SPTBN1: variants seen among roughly 807,000 people sequenced by gnomAD.
SPTBN1 encodes spectrin beta chain, non-erythrocytic 1.
SPTBN1 carries 32 observed loss-of-function variants against 266.4 expected under a neutral mutation model. That is an observed-to-expected ratio of 0.12 (90% CI 0.09 to 0.16). The LOEUF is 0.16. Among genes scored for constraint, SPTBN1 ranks in the 10% least tolerant of loss-of-function variants. The pLI, the probability that SPTBN1 is intolerant of heterozygous loss-of-function variation, is 1.00. For missense variants in SPTBN1, 2,296 were observed against 3,067.1 expected (o/e 0.75, Z 5.94); for synonymous variants, 1,336 against 1,162.2 (o/e 1.15, Z -3.04).
At position 54,646,774 on chromosome 2, in the gene SPTBN1, T is replaced by C. The variant is rs1382944599; in HGVS notation, c.4866+299T>C. On this transcript the variant is annotated intron_variant, in intron 23 of 35. Coordinates refer to ENST00000356805, the MANE Select transcript of SPTBN1 (RefSeq NM_003128.3). This position sits in a 1 kb window ranked among gnomAD's most constrained non-coding sequence, Gnocchi z 4.4. ...TCCCTAAACTTTACAAAATACAGGA[T>C]GGCTTGGAGACAATTTGAAAGTATT... 6.6e-6 allele frequency among the ~76,000 whole-genome samples: 1 copy of C among 152,218 alleles called. No individual in the cohort carries two copies. The highest frequency in any genetic ancestry group is 2.4e-5 in the African/African-American group (1 of 41,458).
rs527935426 is a variant in SPTBN1, at chr2:54,629,367, C to T, written c.2233C>T (p.Leu745=). Residue 745 remains leucine, a synonymous_variant, in exon 14 of 36, where the codon CTG becomes TTG. Coordinates refer to ENST00000356805, the MANE Select transcript of SPTBN1 (RefSeq NM_003128.3). ...GAAGAAGCGCCTGGAGGAGGCCTCC[C>T]TGCTGCACCAGTTCCAGGCAGATGC... ...IRKKRLEEAS[L]LHQFQADADD... is the part of the protein sequence containing the mutation. 11 of 1,614,122 alleles carry T rather than the reference C, an allele frequency of 6.8e-6. No homozygotes were observed. In the South Asian group the frequency reaches 1.1e-4, roughly 16 times the overall value.
At chr2:54,618,471 G>A (rs1311329165) in intron 7 of SPTBN1, among the ~76,000 whole-genome samples, 3 of 152,228 alleles carry the variant, frequency 2.0e-5, no homozygotes, top group Non-Finnish European at 4.4e-5. Context: ...AGGTATGCTT[G>A]AGGGCTAACA....
At chr2:54,632,488 T>C (rs1460046616) in intron 16 of SPTBN1, 78 bp from the exon 17 acceptor site, 1 of 1,388,684 alleles carries the variant, frequency 7.2e-7, no homozygotes, top group Non-Finnish European at 1.0e-6. Flanking sequence ...TTGTGAACTA[T>C]GTTGCACGGA....
rs762112899 is a variant in SPTBN1, at chr2:54,629,589, G to C, written c.2455G>C (p.Asp819His). 1 of 1,614,080 alleles carries C rather than the reference G, an allele frequency of 6.2e-7. No homozygotes were observed. The highest frequency in any genetic ancestry group is 1.1e-5 in the South Asian group (1 of 91,088). ...ALPQEHAESPDVRGRLSGIEE... is the reference protein window; with the variant it reads ...ALPQEHAESPHVRGRLSGIEE... ...CCCCCAGGAGCATGCCGAGTCTCCA[G>C]ACGTGAGGGGCAGGCTGTCGGGCAT... is the stretch of plus-strand genomic sequence containing the variant. Residue 819 changes from aspartate (D) to histidine (H), a missense_variant, in exon 14 of 36, where the codon GAC becomes CAC. By Grantham distance (81) the Asp-to-His change is moderately conservative. Coordinates refer to ENST00000356805, the MANE Select transcript of SPTBN1 (RefSeq NM_003128.3).
At chr2:54,531,702 C>G (rs1671250254) in intron 2 of SPTBN1, among the ~76,000 whole-genome samples, 2 of 151,948 alleles carry the variant, frequency 1.3e-5, no homozygotes, top group Non-Finnish European at 2.9e-5. Flanking sequence ...TCAGTCACTT[C>G]CAGTGCCTAG....
chr2:54,466,797 C>G (rs1022511293), intron 1 of SPTBN1, among the ~76,000 whole-genome samples: 10 of 152,192 alleles, frequency 6.6e-5, no homozygotes, highest in African/African-American at 2.4e-4. Flanking sequence ...TGGATACAAA[C>G]TAATCAAATA....
chr2:54,594,846 T>TTTTTTTTTTTTC (rs1675955668), intron 2 of SPTBN1, among the ~76,000 whole-genome samples: 1 of 145,638 alleles, frequency 6.9e-6, no homozygotes, highest in Non-Finnish European at 1.5e-5. Flanking sequence ...TTTTTTTTTT[T>TTTTTTTTTTTTC]TTTTTGAGAC....
chr2:54,511,967 G>A (rs1669877743), intron 1 of SPTBN1, among the ~76,000 whole-genome samples: 2 of 152,174 alleles, frequency 1.3e-5, no homozygotes, highest in Non-Finnish European at 2.9e-5. Flanking sequence ...TCCATCGGCA[G>A]GGGTGATAGA....
intron 1 of SPTBN1, among the ~76,000 whole-genome samples, chr2:54,508,499 A>G (rs1050005989): frequency 6.6e-6 from 1 of 152,158 alleles, no homozygotes; most frequent in African/African-American, 2.4e-5. Context: ...ATGGAAAGGA[A>G]ATGAGAGGTT....
At chr2:54,587,100 A>G (rs923860347) in intron 2 of SPTBN1, among the ~76,000 whole-genome samples, 1 of 152,176 alleles carries the variant, frequency 6.6e-6, no homozygotes, top group Non-Finnish European at 1.5e-5. Context: ...CATTAAGGCT[A>G]CTTTTTGTGT....
At chr2:54,638,371 G>A (rs1461971552) in intron 18 of SPTBN1, among the ~76,000 whole-genome samples, 1 of 152,360 alleles carries the variant, frequency 6.6e-6, no homozygotes, top group South Asian at 2.1e-4. Context: ...TACCAAGTAA[G>A]AAGCAGAGAT....
At position 54,612,041 on chromosome 2, in the gene SPTBN1, A is replaced by G. The variant is rs2103796841; in HGVS notation, c.301-120A>G. On this transcript the variant is annotated intron_variant, in intron 3 of 35. Transcript: ENST00000356805. ...GACTTAATGAGTACATGTGTTTGTT[A>G]ATGTTCTGCTCTGAGCGGGAGAGCA... is the stretch of plus-strand genomic sequence containing the variant. 5 of 988,868 alleles carry G rather than the reference A, an allele frequency of 5.1e-6. No individual in the cohort carries two copies. In the East Asian group the frequency reaches 1.2e-4, roughly 25 times the overall value. 61.3% of individuals were successfully genotyped at this position (988,868 alleles called of 1,614,324 possible). A position where few individuals can be genotyped will look rare whatever the true frequency, so the allele number is the denominator to read the frequency against.
intron 1 of SPTBN1, among the ~76,000 whole-genome samples, chr2:54,470,971 A>G (rs768249010): frequency 3.3e-5 from 5 of 152,268 alleles, no homozygotes; most frequent in Non-Finnish European, 7.3e-5. Flanking sequence ...TTTATAGCTC[A>G]TTAGCTATCA....
intron 3 of SPTBN1, among the ~76,000 whole-genome samples, chr2:54,606,181 C>T (rs529387582): frequency 6.6e-6 from 1 of 152,330 alleles, no homozygotes; most frequent in South Asian, 2.1e-4. Context: ...TGAGATCAAG[C>T]TTTCAGGATA....
rs1332084567 is a variant in SPTBN1, at chr2:54,643,712, G to A, written c.4005+583G>A. Among the ~76,000 whole-genome samples, 5 of 152,002 alleles carry A rather than the reference G, an allele frequency of 3.3e-5. No individual in the cohort carries two copies. The East Asian group carries it at 7.7e-4, about 23-fold the overall frequency. ...TTAAAATAATGTGTTGGCAGGGCAC[G>A]GTGGCTCATGCCTGTAATCCCAGCA... On this transcript the variant is annotated intron_variant, in intron 19 of 35. Coordinates refer to ENST00000356805, the MANE Select transcript of SPTBN1 (RefSeq NM_003128.3).
At chr2:54,546,154 G>A (rs1050931073) in intron 2 of SPTBN1, among the ~76,000 whole-genome samples, 11 of 152,026 alleles carry the variant, frequency 7.2e-5, no homozygotes, top group South Asian at 2.1e-4. Context: ...TTGCCCTTCC[G>A]TGATCTCTAA....
chr2:54,524,260 G>A (rs1345596862), intron 1 of SPTBN1, among the ~76,000 whole-genome samples: 3 of 152,006 alleles, frequency 2.0e-5, no homozygotes, highest in African/African-American at 7.3e-5. Flanking sequence ...ACTTTAAAAG[G>A]GGTGTTGTCT....
intron 2 of SPTBN1, among the ~76,000 whole-genome samples, chr2:54,532,923 G>C (rs1671342627): frequency 6.6e-6 from 1 of 152,142 alleles, no homozygotes; most frequent in African/African-American, 2.4e-5. Context: ...TTCTCGGATA[G>C]AAGATTCATT....
intron 1 of SPTBN1, among the ~76,000 whole-genome samples, chr2:54,487,832 C>CTTTGTTTTTTTTTTTTTTTTTTTTT (rs1668486327): frequency 1.5e-5 from 1 of 68,644 alleles, no homozygotes; most frequent in Non-Finnish European, 2.6e-5. Flanking sequence ...CCTCCTGTGT[C>CTTTGTTTTTTTTTTTTTTTTTTTTT]TTTTTTTTTT....
Sources: gnomAD v4.1 joint callset for allele counts (sites outside exome capture counted in the v4.1 genomes callset) on GRCh38, gnomAD v4.1.1 for gene constraint, Gnocchi (gnomAD v3.1) non-coding constraint, MANE v1.5 for transcripts, NCBI Gene and HGNC (gene_info 2026-07-23, HGNC 2026-07-21) for gene names.